SPOCD1: variants seen among roughly 807,000 people sequenced by gnomAD.
The protein encoded by SPOCD1 is SPOC domain containing 1.
Under a neutral mutation model 92.2 loss-of-function variants are expected in SPOCD1, and 64 were observed. The ratio of observed to expected loss-of-function variants is 0.69; its 90% confidence interval spans 0.57 to 0.86. SPOCD1 has a LOEUF of 0.86. Ranked by LOEUF, SPOCD1 falls within the 40% of genes least tolerant of loss-of-function variation. SPOCD1 has a pLI of 0.00. For missense variants in SPOCD1, 1,360 were observed against 1,543.1 expected (o/e 0.88, Z 1.99); for synonymous variants, 578 against 619.3 (o/e 0.93, Z 0.99).
chr1:31,800,008 C>T lies in SPOCD1; in HGVS notation c.1728+8G>A, dbSNP rs974297547. ...AAGGAGGCACATGGCCGGGGCAGAA[C>T]AACTTGCCTGGGAACATGCAGGGTC... On this transcript the variant is annotated splice_region_variant and intron_variant, in intron 5 of 15. Coordinates refer to ENST00000360482, the MANE Select transcript of SPOCD1 (RefSeq NM_144569.7). 27 of 1,611,664 alleles carry T rather than the reference C, an allele frequency of 1.7e-5. No individual in the cohort carries two copies. In the Admixed American group the frequency reaches 3.5e-4, roughly 21 times the overall value.
intron 2 of SPOCD1, 128 bp downstream of exon 2, chr1:31,813,823 G>A: frequency 4.9e-6 from 4 of 816,270 alleles, no homozygotes; most frequent in Non-Finnish European, 7.2e-6. Flanking sequence ...ACCCAGTTTA[G>A]TTAATAGGGA....
In SPOCD1 at chr1:31,793,400, C is replaced by G. The variant is rs145779283; in HGVS notation, c.2563G>C (p.Ala855Pro). The G allele has an allele frequency of 1.9e-6, 3 of 1,592,602 alleles. No individual in the cohort carries two copies. The highest frequency in any genetic ancestry group is 2.7e-5 in the African/African-American group (2 of 74,522). Residue 855 changes from alanine to proline, a missense_variant, in exon 13 of 16, where the codon GCT becomes CCT. By Grantham distance (27) the Ala-to-Pro change is conservative. Around this residue, in one of 3 missense-constraint regions of SPOCD1, gnomAD observed 614 missense variants for 757.8 expected, o/e 0.81. Coordinates refer to ENST00000360482, the MANE Select transcript of SPOCD1 (RefSeq NM_144569.7). ...CAGGGCAGGGCCTTTGTGGGTGCAG[C>G]AGGCACATGGAGCCCAGATGGAGGG... ...RVPPSGLHVP[A>P]APTKALPCLP...
intron 4 of SPOCD1, 99 bp from the exon 5 acceptor site, chr1:31,800,240 C>A (rs1469367796): frequency 6.0e-6 from 9 of 1,508,594 alleles, no homozygotes; most frequent in South Asian, 1.3e-5. Flanking sequence ...CTCCTCCAGT[C>A]CACCCTGAAT....
At chr1:31,791,663 G>A (rs1455905973) in intron 15 of SPOCD1, among the ~76,000 whole-genome samples, 3 of 152,234 alleles carry the variant, frequency 2.0e-5, no homozygotes, top group Non-Finnish European at 2.9e-5. Flanking sequence ...TGGCTGTGGC[G>A]AAACATCCCT....
intron 1 of SPOCD1, among the ~76,000 whole-genome samples, 180 bp from the exon 2 acceptor site, chr1:31,815,552 G>A (rs1035039783): frequency 1.1e-4 from 16 of 152,200 alleles, no homozygotes; most frequent in African/African-American, 3.9e-4. Context: ...CCTGGGTGAG[G>A]GTGGAGAGGC....
At chr1:31,802,497 G>T (rs1648534191) in intron 2 of SPOCD1, among the ~76,000 whole-genome samples, 1 of 152,180 alleles carries the variant, frequency 6.6e-6, no homozygotes, top group African/African-American at 2.4e-5. Flanking sequence ...TAGCTGCGGG[G>T]CTATGTGGAG....
At chr1:31,794,412 A>T in intron 10 of SPOCD1, 177 bp from the exon 11 acceptor site, 1 of 490,890 alleles carries the variant, frequency 2.0e-6, no homozygotes, top group South Asian at 3.9e-5. Flanking sequence ...TTGAAAATTA[A>T]AAAGAAAATC....
chr1:31,801,763 A>T, intron 2 of SPOCD1, 58 bp from the exon 3 acceptor site: 1 of 1,381,846 alleles, frequency 7.2e-7, no homozygotes, highest in South Asian at 1.2e-5. Flanking sequence ...ACCCCATGGC[A>T]GGGAATTCAC....
chr1:31,799,889 G>C, intron 5 of SPOCD1, 26 bp from the exon 6 acceptor site: 7 of 1,614,120 alleles, frequency 4.3e-6, no homozygotes, highest in Non-Finnish European at 5.9e-6. Context: ...GAGGAATTGA[G>C]GCTGTGCTGG....
intron 3 of SPOCD1, among the ~76,000 whole-genome samples, 196 bp downstream of exon 3, chr1:31,801,468 G>A (rs927381624): frequency 8.5e-5 from 13 of 152,162 alleles, no homozygotes; most frequent in African/African-American, 2.9e-4. Flanking sequence ...ATCATGAAAT[G>A]GTCAGGTTCC....
rs777181362 is a variant in SPOCD1 at position 31,798,159 on chromosome 1, C to CT, written c.2145+47dup. 7.0e-7 allele frequency: 1 copy of CT among 1,426,926 alleles called. No homozygotes were observed. The highest frequency in any genetic ancestry group is 1.4e-5 in the African/African-American group (1 of 71,540). The allele number at this position is 1,426,926 out of a possible 1,614,324, so 88.4% of individuals were successfully genotyped here. On this transcript the variant is annotated intron_variant, in intron 9 of 15. Coordinates refer to ENST00000360482, the MANE Select transcript of SPOCD1 (RefSeq NM_144569.7). The surrounding 1 kb of genome is among the most constrained non-coding windows in gnomAD (Gnocchi z 4.1). ...CCCTCTTCCACTCTCAGGCCACCCA[C>CT]TCTGCCCCTACATCCCCTCACCCAT...
rs182958862 is a variant in SPOCD1 at position 31,800,632 on chromosome 1, G to A, written c.1426-15C>T. 5.4e-4 allele frequency: 853 copies of A among 1,588,072 alleles called. 4 individuals are homozygous for A. The African/African-American group carries it at 0.01, about 19-fold the overall frequency. On this transcript the variant is annotated splice_polypyrimidine_tract_variant and intron_variant, in intron 3 of 15. Coordinates refer to ENST00000360482, the MANE Select transcript of SPOCD1 (RefSeq NM_144569.7). ...CCGGAACCCAGCTGCGGGGGAGATC[G>A]CACTTCAGAAGCAAGCGGGGCCAGC...
chr1:31,802,980 A>G (rs896598510), intron 2 of SPOCD1, among the ~76,000 whole-genome samples: 3 of 152,010 alleles, frequency 2.0e-5, no homozygotes, highest in Non-Finnish European at 2.9e-5. Flanking sequence ...CCTTTCAAAA[A>G]AGTAAACTGA....
chr1:31,815,372 C>T lies in SPOCD1; in HGVS notation c.-39G>A. 6.6e-7 allele frequency: 1 copy of T among 1,505,094 alleles called. No individual in the cohort carries two copies. Among genetic ancestry groups the T allele is most frequent in the Non-Finnish European group, 8.9e-7 (1 of 1,126,244 alleles). 93.2% of individuals were successfully genotyped at this position (1,505,094 alleles called of 1,614,324 possible). ...CCTGGGCCAAAAGCACAACACGGGC[C>T]CTGTGTGGAGACAGAAAGAGGAGAC... On this transcript the variant is annotated splice_region_variant and 5_prime_UTR_variant, in exon 2 of 16. Coordinates refer to ENST00000360482, the MANE Select transcript of SPOCD1 (RefSeq NM_144569.7).
chr1:31,800,841 C>T (rs1231774879), intron 3 of SPOCD1, among the ~76,000 whole-genome samples: 1 of 152,172 alleles, frequency 6.6e-6, no homozygotes. Flanking sequence ...AGCCTCTGTC[C>T]CAGGAGAGGG....
chr1:31,796,451 C>A (rs576501318), intron 10 of SPOCD1, 139 bp downstream of exon 10: 1 of 1,323,718 alleles, frequency 7.6e-7, no homozygotes, highest in South Asian at 1.2e-5. Context: ...CGTTAAGGAT[C>A]GCTGTCCCCG....
intron 2 of SPOCD1, among the ~76,000 whole-genome samples, chr1:31,811,169 A>C (rs1649171035): frequency 6.6e-6 from 1 of 152,202 alleles, no homozygotes; most frequent in South Asian, 2.1e-4. Flanking sequence ...AGACATTTCT[A>C]AATGTCTAAA....
intron 10 of SPOCD1, 24 bp from the exon 11 acceptor site, chr1:31,794,259 C>G: frequency 6.3e-7 from 1 of 1,588,236 alleles, no homozygotes; most frequent in Non-Finnish European, 8.6e-7. Flanking sequence ...GACAGAGGGG[C>G]AGGCTGAAAA....
Position 31,814,099 on chromosome 1 carries a change from G to A in SPOCD1, c.1235C>T (p.Pro412Leu), listed in dbSNP as rs367753249. Reference sequence around the variant, plus strand: ...CTTGGATCTTCTCTGCTCCATGAATGGGCCTGAGCAGGCCCTGCTGGCTTC... The same window carrying A: ...CTTGGATCTTCTCTGCTCCATGAATAGGCCTGAGCAGGCCCTGCTGGCTTC... ...DTEASRACSG[P>L]FMEQRRSKGT... Residue 412 changes from proline (P) to leucine (L), a missense_variant, in exon 2 of 16, where the codon CCA (proline) becomes CTA (leucine). By Grantham distance (98) the Pro-to-Leu change is moderately conservative (BLOSUM62 -3). Coordinates refer to ENST00000360482, the MANE Select transcript of SPOCD1 (RefSeq NM_144569.7). This position sits in a 1 kb window ranked among gnomAD's most constrained non-coding sequence, Gnocchi z 4.2. 2 of 1,612,454 alleles carry A rather than the reference G, an allele frequency of 1.2e-6. 1 individual carries two copies. Among genetic ancestry groups the A allele is most frequent in the African/African-American group, 2.7e-5 (2 of 74,912 alleles).
Sources: allele counts gnomAD v4.1 joint callset (sites outside exome capture counted in the v4.1 genomes callset), GRCh38; gene constraint gnomAD v4.1.1; regional missense constraint gnomAD v4.1.1; non-coding constraint Gnocchi (gnomAD v3.1); transcripts MANE v1.5; gene names NCBI Gene and HGNC (gene_info 2026-07-23, HGNC 2026-07-21).